RAI1: variants seen among roughly 807,000 people sequenced by gnomAD.
The protein encoded by RAI1 is retinoic acid-induced protein 1.
RAI1 carries 9 observed loss-of-function variants against 123.8 expected under a neutral mutation model. The ratio of observed to expected loss-of-function variants is 0.07; its 90% CI spans 0.04 to 0.13. The LOEUF is 0.13. RAI1 is among the 10% of genes least tolerant of loss of function. The pLI, the probability that RAI1 is intolerant of heterozygous loss-of-function variation, is 1.00. For missense variants in RAI1, 2,256 were observed against 2,545.8 expected, an observed-to-expected ratio of 0.89 and a Z score of 2.45; for synonymous variants, 1,231 against 1,127.3, an observed-to-expected ratio of 1.09 and a Z score of -1.84.
chr17:17,777,117 T>C (rs2031374361), intron 2 of RAI1: 1 of 152,148 alleles, frequency 6.6e-6, no homozygotes, highest in South Asian at 2.1e-4. Flanking sequence ...GGGGATCCCG[T>C]GTTTTGCTGC....
At chr17:17,746,525 C>T (rs2029928076) in intron 2 of RAI1, among the ~76,000 whole-genome samples, 1 of 152,210 alleles carries the variant, frequency 6.6e-6, no homozygotes, top group Non-Finnish European at 1.5e-5. Flanking sequence ...CCTGCCATCC[C>T]CTTAAGAAGC....
intron 2 of RAI1, among the ~76,000 whole-genome samples, chr17:17,727,598 G>A (rs543437408): frequency 6.6e-6 from 1 of 152,214 alleles, no homozygotes; most frequent in African/African-American, 2.4e-5. Context: ...CTTCCTCTTT[G>A]CCATCCCATT....
intron 2 of RAI1, among the ~76,000 whole-genome samples, chr17:17,742,246 C>T (rs886553580): frequency 1.6e-4 from 24 of 152,264 alleles, no homozygotes; most frequent in African/African-American, 5.8e-4. Context: ...GGCCTGTCCA[C>T]TCCCAGCCCA....
At chr17:17,681,934 G>GGGTCCGCGGGGTCCTTGCTTTGTGT (rs995855021) in intron 1 of RAI1, 141 bp downstream of exon 1, 2 of 202,674 alleles carry the variant, frequency 9.9e-6, no homozygotes, top group African/African-American at 5.9e-5. Flanking sequence ...TGGAGATGTG[G>GGGTCCGCGGGGTCCTTGCTTTGTGT]GGTCCGCGGG....
At chr17:17,706,155 A>G (rs1311863570) in intron 1 of RAI1, among the ~76,000 whole-genome samples, 1 of 151,728 alleles carries the variant, frequency 6.6e-6, no homozygotes, top group Non-Finnish European at 1.5e-5. Flanking sequence ...GTGCTTGCCC[A>G]GAGGTCAGCA....
intron 2 of RAI1, among the ~76,000 whole-genome samples, chr17:17,782,475 C>T (rs1040897727): frequency 8.6e-5 from 13 of 151,888 alleles, no homozygotes; most frequent in African/African-American, 3.1e-4. Context: ...CGCCCGGGCC[C>T]CCTCTGCACC....
At chr17:17,742,494 ACTAT>A in intron 2 of RAI1, among the ~76,000 whole-genome samples, 1 of 152,336 alleles carries the variant, frequency 6.6e-6, no homozygotes, top group South Asian at 2.1e-4. Context: ...AGAGTCTGAA[ACTAT>A]CTATCTGGAA....
chr17:17,798,868 G>T (rs906348718), intron 3 of RAI1, among the ~76,000 whole-genome samples: 1 of 152,142 alleles, frequency 6.6e-6, no homozygotes, highest in African/African-American at 2.4e-5. Flanking sequence ...CAGAGAACAC[G>T]AGGACTCCCA....
At chr17:17,784,800 C>T (rs570183173) in intron 2 of RAI1, among the ~76,000 whole-genome samples, 3 of 152,224 alleles carry the variant, frequency 2.0e-5, no homozygotes, top group African/African-American at 4.8e-5. Flanking sequence ...ACAGAGGATA[C>T]TGAACACTAG....
At chr17:17,703,013 AG>A (rs1354764280) in intron 1 of RAI1, among the ~76,000 whole-genome samples, 1 of 152,238 alleles carries the variant, frequency 6.6e-6, no homozygotes, top group African/African-American at 2.4e-5. Flanking sequence ...GACAGTGGTT[AG>A]CACTGTACTT....
At position 17,796,384 on chromosome 17, in the gene RAI1, C is replaced by T. The variant is rs769333615; in HGVS notation, c.3436C>T (p.Leu1146Phe). Reference sequence around the variant, plus strand: ...TGGCAAGGACCAGCGCTCCATGATCCTTCGGTCACGCACCAAAACCCAGGA... The same window carrying T: ...TGGCAAGGACCAGCGCTCCATGATCTTTCGGTCACGCACCAAAACCCAGGA... ...TPGKDQRSMI[L>F]RSRTKTQEIF... Residue 1146 changes from leucine (L) to phenylalanine (F), a missense_variant, in exon 3 of 6, where the codon CTT (leucine) becomes TTT (phenylalanine). Physicochemically the swap from Leu to Phe is conservative, Grantham distance 22. Around this residue, in one of 7 missense-constraint regions of RAI1, gnomAD observed 322 missense variants for 358.0 expected, o/e 0.90. Transcript: ENST00000353383. The surrounding 1 kb of genome is among the most constrained non-coding windows in gnomAD (Gnocchi z 5.8). 21 of 1,613,636 alleles carry T rather than the reference C, an allele frequency of 1.3e-5. No individual in the cohort carries two copies. Among genetic ancestry groups the T allele is most frequent in the Non-Finnish European group, 8.5e-7 (1 of 1,180,022 alleles).
At chr17:17,720,135 TCCCCAG>T (rs1176092661) in intron 1 of RAI1, among the ~76,000 whole-genome samples, 1 of 151,938 alleles carries the variant, frequency 6.6e-6, no homozygotes, top group East Asian at 1.9e-4. Context: ...CTGCTTAGAG[TCCCCAG>T]CCCTCTACCC....
chr17:17,711,830 GCAC>G lies in RAI1; in HGVS notation c.-148-12194_-148-12192del, dbSNP rs1408438762. ...GTCCCAGGGCAAGCCCTCCTCCTGC[GCAC>G]CACATCTGGGGCCTCCGAGGAGGGA... On this transcript the variant is annotated intron_variant, in intron 1 of 5. Transcript: ENST00000353383. 7.9e-5 allele frequency among the ~76,000 whole-genome samples: 12 copies of G among 152,352 alleles called. No homozygotes were observed. In the East Asian group the frequency reaches 1.2e-3, roughly 15 times the overall value.
chr17:17,787,987 G>A (rs553440756), intron 2 of RAI1, among the ~76,000 whole-genome samples: 3 of 152,256 alleles, frequency 2.0e-5, no homozygotes, highest in South Asian at 4.1e-4. Flanking sequence ...AGAGCCCCCA[G>A]CCACACCAGG....
intron 2 of RAI1, among the ~76,000 whole-genome samples, chr17:17,730,809 A>G (rs1567856118): frequency 1.3e-5 from 2 of 152,212 alleles, no homozygotes; most frequent in Non-Finnish European, 2.9e-5. Flanking sequence ...TTGTTGGCCC[A>G]GGAGGGTAGG....
At chr17:17,772,239 C>A (rs970939307) in intron 2 of RAI1, among the ~76,000 whole-genome samples, 1 of 152,190 alleles carries the variant, frequency 6.6e-6, no homozygotes, top group Admixed American at 6.5e-5. Context: ...CTAGAATTGG[C>A]TGTGGAGTCC....
At chr17:17,746,159 C>T (rs1465068513) in intron 2 of RAI1, among the ~76,000 whole-genome samples, 1 of 152,228 alleles carries the variant, frequency 6.6e-6, no homozygotes, top group Non-Finnish European at 1.5e-5. Context: ...AGGATTCCTT[C>T]TCCAGGGACA....
At position 17,793,334 on chromosome 17, in the gene RAI1, C is replaced by G. The variant is rs748915017; in HGVS notation, c.386C>G (p.Pro129Arg). ...TGGGGGGCCCCACAGCCACCACCCC[C>G]ACAGCCGCAGCCACTACCTGCAGGG... The part of the protein sequence containing the change: ...QAWGAPQPPP[P>R]QPQPLPAGVA... Residue 129 changes from proline (P) to arginine (R), a missense_variant, in exon 3 of 6, where the codon CCA becomes CGA. Transcript: ENST00000353383. 2.5e-5 allele frequency: 40 copies of G among 1,612,566 alleles called. No individual in the cohort carries two copies. The highest frequency in any genetic ancestry group is 6.7e-5 in the Admixed American group (4 of 59,992).
chr17:17,701,398 C>A (rs1915219152), intron 1 of RAI1, among the ~76,000 whole-genome samples: 1 of 152,166 alleles, frequency 6.6e-6, no homozygotes, highest in Admixed American at 6.5e-5. Flanking sequence ...GTGGGACTTC[C>A]CTGTGCTCCT....
Sources: allele counts gnomAD v4.1 joint callset (sites outside exome capture counted in the v4.1 genomes callset), GRCh38; gene constraint gnomAD v4.1.1; regional missense constraint gnomAD v4.1.1; non-coding constraint Gnocchi (gnomAD v3.1); transcripts MANE v1.5; gene names NCBI Gene and HGNC (gene_info 2026-07-23, HGNC 2026-07-21).